Variants in ITPR2 observed in about 807,000 individuals in gnomAD.
ITPR2 encodes inositol 1,4,5-trisphosphate receptor type 2, also known as inositol 1,4,5-trisphosphate-gated calcium channel ITPR2.
Under a neutral mutation model 317.1 loss-of-function variants are expected in ITPR2, and 207 were observed. The ratio of observed to expected loss-of-function variants is 0.65; its 90% CI spans 0.58 to 0.73. ITPR2 has a LOEUF of 0.73. Ranked by LOEUF, ITPR2 falls within the 30% of genes least tolerant of loss-of-function variation. The probability of loss-of-function intolerance (pLI) is 0.00; values close to 1 mark genes in which losing one functional copy is unlikely to be tolerated. For synonymous variants in ITPR2, 1,156 were observed against 1,149.1 expected (o/e 1.01, Z -0.12); for missense variants, 2,613 against 3,284.0 (o/e 0.80, Z 4.99).
chr12:26,343,669 C>G (rs1052515695), intron 55 of ITPR2, among the ~76,000 whole-genome samples: 1 of 152,114 alleles, frequency 6.6e-6, no homozygotes, highest in African/African-American at 2.4e-5. Context: ...GATGAGGAGG[C>G]TGTGGGTGGC....
intron 53 of ITPR2, 151 bp from the exon 54 acceptor site, chr12:26,399,192 A>T: frequency 1.7e-6 from 1 of 572,462 alleles, no homozygotes; most frequent in Admixed American, 4.1e-5. Context: ...CTCTACTTTA[A>T]GTGTTGTAAG....
intron 23 of ITPR2, 79 bp downstream of exon 23, chr12:26,627,952 TTA>T (rs1946657999): frequency 7.9e-7 from 1 of 1,261,326 alleles, no homozygotes; most frequent in Non-Finnish European, 1.1e-6. Flanking sequence ...AAAAATATAA[TTA>T]TGTTTTAAAA....
intron 1 of ITPR2, among the ~76,000 whole-genome samples, chr12:26,827,371 G>C (rs1035036408): frequency 6.6e-6 from 1 of 152,034 alleles, no homozygotes; most frequent in African/African-American, 2.4e-5. Context: ...AAGGATAATG[G>C]GGAAAAAAAG....
chr12:26,356,256 G>T (rs940454660), intron 55 of ITPR2, among the ~76,000 whole-genome samples: 3 of 152,158 alleles, frequency 2.0e-5, no homozygotes, highest in Non-Finnish European at 4.4e-5. Context: ...CAGACCACGT[G>T]GTCCTGCACA....
intron 35 of ITPR2, among the ~76,000 whole-genome samples, chr12:26,560,715 T>C (rs1431217766): frequency 6.6e-6 from 1 of 152,216 alleles, no homozygotes; most frequent in Admixed American, 6.5e-5. Flanking sequence ...CAAGAACCAC[T>C]TATAATGGCA....
Position 26,655,613 on chromosome 12 carries a change from C to CAA in ITPR2, c.2589+93_2589+94dup, listed in dbSNP as rs56325248. 5,521 of 634,370 alleles carry CAA rather than the reference C, an allele frequency of 8.7e-3. 1 individual carries two copies. Among genetic ancestry groups the CAA allele is most frequent in the South Asian group, 0.013 (570 of 43,694 alleles). 39.3% of individuals were successfully genotyped at this position (634,370 alleles called of 1,614,324 possible). On this transcript the variant is annotated intron_variant, in intron 20 of 56. Coordinates refer to ENST00000381340, the MANE Select transcript of ITPR2 (RefSeq NM_002223.4). ...TGGGCGACCGAGTGAGACTCTGTCT[C>CAA]AAAAAAAAAAAAAAAAAAAGCAGAG...
chr12:26,660,852 T>C (rs565577436), intron 15 of ITPR2, among the ~76,000 whole-genome samples: 2 of 152,142 alleles, frequency 1.3e-5, no homozygotes, highest in South Asian at 4.1e-4. Flanking sequence ...CAATATTAAA[T>C]ATATGGGTGA....
At position 26,592,715 on chromosome 12, in the gene ITPR2, A is replaced by T. The variant is rs186893925; in HGVS notation, c.4380+2750T>A. The stretch of plus-strand genomic sequence containing the variant: ...AACTTACCAAATTCCTTTCCTCCAG[A>T]TTACCTTCATCATTTCTCATGGATA... On this transcript the variant is annotated intron_variant, in intron 32 of 56. Transcript: ENST00000381340. Among the ~76,000 whole-genome samples the T allele has an allele frequency of 5.3e-5, 8 of 152,308 alleles. No individual in the cohort carries two copies. In the East Asian group the frequency reaches 1.2e-3, roughly 22 times the overall value.
chr12:26,599,459 G>T, intron 29 of ITPR2, 114 bp from the exon 30 acceptor site: 1 of 933,692 alleles, frequency 1.1e-6, no homozygotes, highest in Non-Finnish European at 1.7e-6. Flanking sequence ...CGAAGCCACA[G>T]TGAATTTTCT....
chr12:26,733,893 C>G (rs1031613178), intron 2 of ITPR2, among the ~76,000 whole-genome samples: 2 of 152,076 alleles, frequency 1.3e-5, no homozygotes, highest in Non-Finnish European at 2.9e-5. Context: ...AATCAAAATG[C>G]AAGCCTCCAA....
At chr12:26,775,500 A>G (rs899186561) in intron 2 of ITPR2, among the ~76,000 whole-genome samples, 4 of 152,202 alleles carry the variant, frequency 2.6e-5, no homozygotes, top group African/African-American at 9.7e-5. Flanking sequence ...TCCATTGACT[A>G]AAAGCAGGAG....
chr12:26,573,090 A>T (rs1444568296), intron 34 of ITPR2, among the ~76,000 whole-genome samples: 1 of 151,908 alleles, frequency 6.6e-6, no homozygotes, highest in Non-Finnish European at 1.5e-5. Flanking sequence ...AGTGGTGCGA[A>T]CATAGCTCAT....
chr12:26,458,301 G>A (rs1487513869), intron 45 of ITPR2, among the ~76,000 whole-genome samples: 1 of 152,136 alleles, frequency 6.6e-6, no homozygotes, highest in Non-Finnish European at 1.5e-5. Context: ...ACTTCTAGTT[G>A]GTAGCCGCTT....
intron 9 of ITPR2, among the ~76,000 whole-genome samples, chr12:26,700,039 A>T (rs1948417436): frequency 6.6e-6 from 1 of 152,262 alleles, no homozygotes; most frequent in Non-Finnish European, 1.5e-5. Flanking sequence ...TTTAGCAAAG[A>T]CAAAGAGAAT....
chr12:26,748,230 T>C (rs527347951), intron 2 of ITPR2, among the ~76,000 whole-genome samples: 5 of 152,174 alleles, frequency 3.3e-5, no homozygotes, highest in Admixed American at 2.6e-4. Context: ...GACTAACTTT[T>C]ATATGTTTAG....
chr12:26,559,549 C>CCTAATA lies in ITPR2; in HGVS notation c.4821+2207_4821+2212dup, dbSNP rs60082855. Among the ~76,000 whole-genome samples the CCTAATA allele has an allele frequency of 7.9e-5, 12 of 151,900 alleles. No individual in the cohort carries two copies. In the South Asian group the frequency reaches 2.5e-3, roughly 32 times the overall value. On this transcript the variant is annotated intron_variant, in intron 35 of 56. Transcript: ENST00000381340. ...TCGCAACTCCCAGAAGACATCACCT[C>CCTAATA]CTAATACTAATACTAATACTATCCC... is the stretch of plus-strand genomic sequence containing the variant.
chr12:26,585,492 C>T (rs1046613810), intron 32 of ITPR2, among the ~76,000 whole-genome samples: 5 of 152,174 alleles, frequency 3.3e-5, no homozygotes, highest in Admixed American at 1.3e-4. Context: ...GCAACCTCCG[C>T]CTCCCAGGTT....
intron 2 of ITPR2, among the ~76,000 whole-genome samples, chr12:26,771,742 T>C (rs1258129693): frequency 6.6e-6 from 1 of 152,140 alleles, no homozygotes; most frequent in Non-Finnish European, 1.5e-5. Flanking sequence ...CTTGATCTCC[T>C]GATCTCGTGA....
intron 2 of ITPR2, among the ~76,000 whole-genome samples, chr12:26,785,601 A>T (rs112291238): frequency 3.9e-5 from 1 of 25,584 alleles, no homozygotes; most frequent in Non-Finnish European, 8.9e-5. Flanking sequence ...TCCGGGAGGG[A>T]GGTGGGGGGG....
Sources: gnomAD v4.1 joint callset for allele counts (sites outside exome capture counted in the v4.1 genomes callset) on GRCh38, gnomAD v4.1.1 for gene constraint, MANE v1.5 for transcripts, NCBI Gene and HGNC (gene_info 2026-07-23, HGNC 2026-07-21) for gene names.